AKAP9: variants seen among roughly 807,000 people sequenced by gnomAD.
AKAP9 encodes the protein A-kinase anchoring protein 9.
In AKAP9, 311 loss-of-function variants were observed where a neutral mutation model predicts 488.5. That is an observed-to-expected ratio of 0.64 (90% CI 0.58 to 0.70). AKAP9 has a LOEUF of 0.70. Among genes scored for constraint, AKAP9 ranks in the 30% least tolerant of loss-of-function variants. The pLI, the probability that AKAP9 is intolerant of heterozygous loss-of-function variation, is 0.00. For synonymous variants in AKAP9, 1,462 were observed against 1,483.5 expected (o/e 0.99, Z 0.33); for missense variants, 4,215 against 4,374.5 (o/e 0.96, Z 1.03).
chr7:92,095,730 G>A (rs1436365419), intron 40 of AKAP9, among the ~76,000 whole-genome samples: 2 of 152,104 alleles, frequency 1.3e-5, no homozygotes, highest in East Asian at 3.9e-4. Context: ...TTCTAGCCAC[G>A]TAATCCTAAT....
In AKAP9 at chr7:92,065,259, G is replaced by T; in HGVS notation, c.6006G>T (p.Met2002Ile). ...TACTACAGGAGACAGAAAAATTAAT[G>T]AAGGAAAAACTAGAAGTACAATGTC... ...QQLLQETEKL[M>I]KEKLEVQCQA... Residue 2002 changes from methionine (M) to isoleucine (I), a missense_variant, in exon 25 of 50, where the codon ATG becomes ATT. Met to Ile is a conservative substitution (Grantham distance 10, BLOSUM62 1). Coordinates refer to ENST00000356239, the MANE Select transcript of AKAP9 (RefSeq NM_005751.5). 1.2e-6 allele frequency: 2 copies of T among 1,611,138 alleles called. No individual in the cohort carries two copies. Among genetic ancestry groups the T allele is most frequent in the Non-Finnish European group, 1.7e-6 (2 of 1,178,504 alleles).
intron 12 of AKAP9, among the ~76,000 whole-genome samples, chr7:92,020,944 A>G (rs1802233907): frequency 6.6e-6 from 1 of 152,128 alleles, no homozygotes; most frequent in African/African-American, 2.4e-5. Flanking sequence ...TCCTTTGTTC[A>G]TCTGGTCTTG....
chr7:92,065,475 C>A lies in AKAP9; in HGVS notation c.6210+12C>A. 6.5e-7 allele frequency: 1 copy of A among 1,546,782 alleles called. No individual in the cohort carries two copies. The highest frequency in any genetic ancestry group is 1.1e-5 in the South Asian group (1 of 88,792). ...GAAAATTTTTAGATGTAAGTATTCTCAAGTTGAATACTGATTTTTCTCAGT... is the reference window on the plus strand; with the variant it reads ...GAAAATTTTTAGATGTAAGTATTCTAAAGTTGAATACTGATTTTTCTCAGT... On this transcript the variant is annotated intron_variant, in intron 25 of 49. Transcript: ENST00000356239.
chr7:92,103,556 G>A (rs187732430), intron 46 of AKAP9, among the ~76,000 whole-genome samples: 20 of 151,880 alleles, frequency 1.3e-4, no homozygotes, highest in African/African-American at 3.9e-4. Flanking sequence ...TTAGCCAGGC[G>A]TGGTGGCGGG....
rs1802439799 is a variant in AKAP9 at position 92,022,349 on chromosome 7, A to C, written c.3949A>C (p.Ile1317Leu). ...TTCTCAGATGACCAATTTGGAAGAC[A>C]TTGGTAAATTTTGATCATATACCAC... ...IHSQMTNLED[I>L]DVNHKSKLSS... The change falls in exon 13 of 50, where the codon ATT (isoleucine) becomes CTT (leucine). Residue 1317 changes from isoleucine to leucine, a missense_variant. By Grantham distance (5) the Ile-to-Leu change is conservative. This residue lies in a region of AKAP9 where 2,361 missense variants were observed against 2,430.0 expected (regional missense o/e 0.97). Coordinates refer to ENST00000356239, the MANE Select transcript of AKAP9 (RefSeq NM_005751.5). 1 of 1,595,738 alleles carries C rather than the reference A, an allele frequency of 6.3e-7. No individual in the cohort carries two copies. Among genetic ancestry groups the C allele is most frequent in the Non-Finnish European group, 8.6e-7 (1 of 1,163,624 alleles).
chr7:92,073,828 A>G (rs375239454), intron 28 of AKAP9, among the ~76,000 whole-genome samples: 4 of 152,202 alleles, frequency 2.6e-5, no homozygotes, highest in African/African-American at 4.8e-5. Context: ...TGCACATGCA[A>G]ATCACCCAGG....
intron 22 of AKAP9, among the ~76,000 whole-genome samples, chr7:92,053,711 G>C (rs1429169871): frequency 6.6e-6 from 1 of 152,098 alleles, no homozygotes; most frequent in Non-Finnish European, 1.5e-5. Context: ...TCACTGAATG[G>C]ATCACAAAAG....
intron 21 of AKAP9, among the ~76,000 whole-genome samples, chr7:92,046,792 C>T (rs925170842): frequency 6.6e-6 from 1 of 152,194 alleles, no homozygotes; most frequent in Non-Finnish European, 1.5e-5. Flanking sequence ...ACAATTATTT[C>T]ACAAGCTTGT....
intron 40 of AKAP9, among the ~76,000 whole-genome samples, chr7:92,096,085 C>T (rs1435433039): frequency 6.6e-6 from 1 of 151,950 alleles, no homozygotes; most frequent in Non-Finnish European, 1.5e-5. Context: ...CGTAAGATCT[C>T]CAGGAACAGT....
chr7:91,992,273 A>G, intron 4 of AKAP9, 62 bp downstream of exon 4: 1 of 1,259,142 alleles, frequency 7.9e-7, no homozygotes, highest in Admixed American at 1.7e-5. Context: ...CATCTGGCTT[A>G]CTAACAAAAC....
At position 92,085,528 on chromosome 7, in the gene AKAP9, C is replaced by G. The variant is rs912097155; in HGVS notation, c.8866C>G (p.Gln2956Glu). 6 of 1,614,032 alleles carry G rather than the reference C, an allele frequency of 3.7e-6. No homozygotes were observed. The highest frequency in any genetic ancestry group is 1.7e-5 in the Admixed American group (1 of 59,992). Residue 2956 changes from glutamine (Q) to glutamate (E), a missense_variant, in exon 36 of 50, where the codon CAG (glutamine) becomes GAG (glutamate). Gln to Glu is a conservative substitution (Grantham distance 29, BLOSUM62 2). This residue lies in a region of AKAP9 where 1,476 missense variants were observed against 1,477.4 expected (regional missense o/e 1.00). Transcript: ENST00000356239. Reference sequence around the variant, plus strand: ...GAGAGCTGTCCATAATGAAGGCATGCAGGTGCTTTCTCTCACTGAGTCTCC... The same window carrying G: ...GAGAGCTGTCCATAATGAAGGCATGGAGGTGCTTTCTCTCACTGAGTCTCC... Reference protein sequence around the residue: ...LLRAVHNEGMQVLSLTESPYS... With the variant: ...LLRAVHNEGMEVLSLTESPYS...
intron 28 of AKAP9, among the ~76,000 whole-genome samples, chr7:92,073,431 G>T (rs1008920086): frequency 1.3e-5 from 2 of 151,582 alleles, no homozygotes; most frequent in African/African-American, 2.4e-5. Context: ...CTGTGAACCC[G>T]GGAGGCAGAG....
At chr7:91,974,100 T>A in intron 2 of AKAP9, 132 bp downstream of exon 2, 1 of 1,029,860 alleles carries the variant, frequency 9.7e-7, no homozygotes, top group Non-Finnish European at 1.5e-6. Flanking sequence ...GTATGGTAAC[T>A]AAACAGTCAT....
rs1459319790 is a variant in AKAP9, at chr7:92,082,612, G to A, written c.8110G>A (p.Glu2704Lys). 1.2e-6 allele frequency: 2 copies of A among 1,614,012 alleles called. No homozygotes were observed. Among genetic ancestry groups the A allele is most frequent in the Non-Finnish European group, 1.7e-6 (2 of 1,179,960 alleles). The change falls in exon 32 of 50, where the codon GAA becomes AAA. Residue 2704 changes from glutamate to lysine, a missense_variant. Physicochemically the swap from Glu to Lys is moderately conservative, Grantham distance 56. This residue lies in a region of AKAP9 where 1,476 missense variants were observed against 1,477.4 expected (regional missense o/e 1.00). Transcript: ENST00000356239. ...AGCTGAATCAGTGGCTACCAAAGCA[G>A]AACTTGCCAGTTATAAAGAAAAGGC... ...LRAESVATKA[E>K]LASYKEKAEK...
At chr7:92,000,137 A>G (rs776193403) in intron 7 of AKAP9, among the ~76,000 whole-genome samples, 4 of 152,240 alleles carry the variant, frequency 2.6e-5, no homozygotes, top group Admixed American at 6.5e-5. Context: ...CCCTATCTCC[A>G]TTCCAAAATA....
intron 1 of AKAP9, 48 bp downstream of exon 1, chr7:91,941,195 G>A: frequency 6.3e-7 from 1 of 1,579,778 alleles, no homozygotes; most frequent in South Asian, 1.1e-5. Context: ...GCGGTGGCTA[G>A]CACGGGGTGG....
chr7:91,962,450 A>G (rs1227724324), intron 1 of AKAP9, among the ~76,000 whole-genome samples: 4 of 152,186 alleles, frequency 2.6e-5, no homozygotes, highest in Non-Finnish European at 5.9e-5. Context: ...ATGTAGTAGA[A>G]TTAAATATGC....
At chr7:91,962,548 C>T (rs1037974266) in intron 1 of AKAP9, among the ~76,000 whole-genome samples, 3 of 151,990 alleles carry the variant, frequency 2.0e-5, no homozygotes, top group African/African-American at 7.2e-5. Context: ...GATAAATTAT[C>T]TTTTTTTACT....
At chr7:92,034,225 T>C (rs1045376455) in intron 16 of AKAP9, among the ~76,000 whole-genome samples, 1 of 151,868 alleles carries the variant, frequency 6.6e-6, no homozygotes, top group Non-Finnish European at 1.5e-5. Flanking sequence ...AACAGGTGTC[T>C]TTAAGACACG....
Sources: allele counts gnomAD v4.1 joint callset (sites outside exome capture counted in the v4.1 genomes callset), GRCh38; gene constraint gnomAD v4.1.1; regional missense constraint gnomAD v4.1.1; transcripts MANE v1.5; gene names NCBI Gene and HGNC (gene_info 2026-07-23, HGNC 2026-07-21).